The following DIAPH3 variants were observed in gnomAD, a reference collection of about 807,000 sequenced individuals.
The protein encoded by DIAPH3 is protein diaphanous homolog 3.
DIAPH3 carries 117 observed loss-of-function variants against 144.3 expected under a neutral mutation model. That is an observed-to-expected ratio of 0.81 (90% confidence interval 0.70 to 0.95). The LOEUF (loss-of-function observed/expected upper bound fraction) is 0.95. Ranked by LOEUF, DIAPH3 falls within the 40% of genes least tolerant of loss-of-function variation. The probability of loss-of-function intolerance (pLI) is 0.00; values close to 1 mark genes in which losing one functional copy is unlikely to be tolerated. For missense variants in DIAPH3, 1,421 were observed against 1,412.7 expected (o/e 1.01, Z -0.09); for synonymous variants, 519 against 488.9 (o/e 1.06, Z -0.81).
intron 25 of DIAPH3, among the ~76,000 whole-genome samples, chr13:59,805,388 T>G (rs1289173357): frequency 6.6e-6 from 1 of 152,058 alleles, no homozygotes; most frequent in Non-Finnish European, 1.5e-5. Flanking sequence ...TCACATAAAA[T>G]TATTACTACT....
intron 1 of DIAPH3, among the ~76,000 whole-genome samples, 169 bp from the exon 2 acceptor site, chr13:60,133,158 T>G (rs1252520359): frequency 2.0e-5 from 3 of 152,070 alleles, no homozygotes; most frequent in African/African-American, 7.2e-5. Context: ...CTCAAAAAGA[T>G]GGACAAAAGT....
At chr13:59,742,925 A>G (rs2036534052) in intron 27 of DIAPH3, among the ~76,000 whole-genome samples, 1 of 152,094 alleles carries the variant, frequency 6.6e-6, no homozygotes, top group South Asian at 2.1e-4. Flanking sequence ...TCTTAATGAA[A>G]TGTTGGAATG....
At chr13:59,734,926 A>G (rs1303281752) in intron 27 of DIAPH3, among the ~76,000 whole-genome samples, 1 of 152,228 alleles carries the variant, frequency 6.6e-6, no homozygotes, top group Non-Finnish European at 1.5e-5. Context: ...GAAGACTCCT[A>G]TTATTTAACT....
chr13:59,969,253 T>G (rs560443404), intron 17 of DIAPH3, among the ~76,000 whole-genome samples: 1 of 152,304 alleles, frequency 6.6e-6, no homozygotes, highest in South Asian at 2.1e-4. Flanking sequence ...ATGAATGCCA[T>G]TGCTTTTAAT....
At chr13:59,878,217 G>A (rs1322711457) in intron 21 of DIAPH3, among the ~76,000 whole-genome samples, 2 of 152,072 alleles carry the variant, frequency 1.3e-5, no homozygotes, top group Non-Finnish European at 2.9e-5. Context: ...GAATTGCATC[G>A]CCCATGCTAG....
At chr13:60,146,508 A>G (rs1951530602) in intron 1 of DIAPH3, among the ~76,000 whole-genome samples, 4 of 152,224 alleles carry the variant, frequency 2.6e-5, no homozygotes, top group African/African-American at 9.6e-5. Context: ...ATTTGGAGAG[A>G]GAAATTCTAG....
intron 25 of DIAPH3, among the ~76,000 whole-genome samples, chr13:59,800,636 T>A (rs527748050): frequency 6.6e-6 from 1 of 152,354 alleles, no homozygotes; most frequent in African/African-American, 2.4e-5. Flanking sequence ...TTTACCTTAA[T>A]GATAGAATCA....
intron 17 of DIAPH3, among the ~76,000 whole-genome samples, chr13:59,931,295 T>A (rs1452913109): frequency 1.3e-5 from 2 of 152,178 alleles, no homozygotes; most frequent in African/African-American, 2.4e-5. Flanking sequence ...TTTTTTCACC[T>A]GGACCACAGC....
intron 22 of DIAPH3, among the ~76,000 whole-genome samples, chr13:59,847,895 C>T (rs1442288969): frequency 6.6e-6 from 1 of 152,146 alleles, no homozygotes; most frequent in Non-Finnish European, 1.5e-5. Flanking sequence ...GACATGTTTC[C>T]TTAATATTTA....
intron 25 of DIAPH3, among the ~76,000 whole-genome samples, chr13:59,801,616 A>G (rs913324580): frequency 1.3e-5 from 2 of 152,178 alleles, no homozygotes; most frequent in South Asian, 4.1e-4. Context: ...GCTTGCTCTA[A>G]AGACAGTCAG....
chr13:60,036,817 A>G (rs980139360), intron 5 of DIAPH3, among the ~76,000 whole-genome samples: 1 of 152,088 alleles, frequency 6.6e-6, no homozygotes, highest in African/African-American at 2.4e-5. Flanking sequence ...GAGACAAATA[A>G]ATGCAAAGTA....
intron 22 of DIAPH3, 79 bp downstream of exon 22, chr13:59,861,328 A>G (rs1229136621): frequency 2.5e-6 from 4 of 1,608,404 alleles, no homozygotes; most frequent in African/African-American, 1.3e-5. Flanking sequence ...TGGAAAGTAC[A>G]TACAAATAAA....
intron 25 of DIAPH3, among the ~76,000 whole-genome samples, chr13:59,806,952 C>T (rs1215104412): frequency 4.6e-5 from 7 of 151,648 alleles, no homozygotes; most frequent in Admixed American, 4.6e-4. Flanking sequence ...ATTAGATACA[C>T]TAGTAACCTC....
intron 17 of DIAPH3, among the ~76,000 whole-genome samples, chr13:59,942,703 G>A (rs2048594818): frequency 1.3e-5 from 2 of 152,160 alleles, no homozygotes; most frequent in South Asian, 4.1e-4. Flanking sequence ...GTATAAGGGT[G>A]TACATAAACA....
chr13:59,991,900 G>A (rs564912020), intron 11 of DIAPH3, among the ~76,000 whole-genome samples, 168 bp downstream of exon 11: 2 of 152,122 alleles, frequency 1.3e-5, no homozygotes, highest in East Asian at 3.9e-4. Context: ...ACATATATGT[G>A]TATTCATAAA....
At chr13:59,826,199 G>A (rs1435902618) in intron 24 of DIAPH3, among the ~76,000 whole-genome samples, 1 of 147,462 alleles carries the variant, frequency 6.8e-6, no homozygotes, top group Admixed American at 6.9e-5. Flanking sequence ...GGCAGGAGAA[G>A]GAAATAAAGG....
chr13:59,757,134 T>C (rs2037319724), intron 27 of DIAPH3, among the ~76,000 whole-genome samples: 1 of 152,050 alleles, frequency 6.6e-6, no homozygotes, highest in African/African-American at 2.4e-5. Flanking sequence ...ATTTTGTCGA[T>C]AGTAAAAATT....
chr13:60,029,141 T>C (rs1224087789), intron 5 of DIAPH3, among the ~76,000 whole-genome samples: 1 of 140,628 alleles, frequency 7.1e-6, no homozygotes, highest in East Asian at 2.0e-4. Flanking sequence ...ACAGCACTAC[T>C]ATCTGCCTAT....
chr13:59,969,760 C>T (rs1425836040), intron 17 of DIAPH3, among the ~76,000 whole-genome samples, 184 bp downstream of exon 17: 1 of 152,008 alleles, frequency 6.6e-6, no homozygotes, highest in Non-Finnish European at 1.5e-5. Flanking sequence ...TAACCTTTTG[C>T]ATTTTTAAAA....
Sources: allele counts gnomAD v4.1 joint callset (sites outside exome capture counted in the v4.1 genomes callset), GRCh38; gene constraint gnomAD v4.1.1; transcripts MANE v1.5; gene names NCBI Gene and HGNC (gene_info 2026-07-23, HGNC 2026-07-21).